Variants in PRH1 observed in about 807,000 individuals in gnomAD.
The protein encoded by PRH1 is salivary acidic proline-rich phosphoprotein 1/2.
Under a neutral mutation model 7.9 loss-of-function variants are expected in PRH1, and 7 were observed. The ratio of observed to expected loss-of-function variants is 0.89; its 90% CI spans 0.50 to 1.67. PRH1 has a LOEUF of 1.67. PRH1 is among the 40% of genes most tolerant of loss of function. PRH1 has a pLI of 0.00. For synonymous variants in PRH1, 45 were observed against 80.8 expected (o/e 0.56, Z 2.38); for missense variants, 109 against 223.6 (o/e 0.49, Z 3.27).
intron 1 of PRH1, among the ~76,000 whole-genome samples, chr12:11,020,352 G>A (rs573798460): frequency 1.5e-4 from 15 of 99,068 alleles, no homozygotes; most frequent in East Asian, 1.1e-3. Flanking sequence ...TAGGGAGGAC[G>A]TATGATAAGC....
chr12:11,108,749 G>A (rs559035034), intron 1 of PRH1, among the ~76,000 whole-genome samples: 1 of 152,130 alleles, frequency 6.6e-6, no homozygotes, highest in South Asian at 2.1e-4. Context: ...GATCATTTGG[G>A]CAGACACCAA....
chr12:10,924,819 T>C (rs1436735521), intron 2 of PRH1, among the ~76,000 whole-genome samples: 1 of 152,218 alleles, frequency 6.6e-6, no homozygotes, highest in Non-Finnish European at 1.5e-5. Context: ...CTGATGGTAG[T>C]TTGTATTTCT....
chr12:11,114,293 G>T (rs964818097), intron 1 of PRH1, among the ~76,000 whole-genome samples: 32 of 151,904 alleles, frequency 2.1e-4, no homozygotes, highest in African/African-American at 7.7e-4. Flanking sequence ...AAGAAAATGT[G>T]GCACATATGT....
chr12:11,126,386 C>T (rs1592063373), intron 1 of PRH1, among the ~76,000 whole-genome samples: 3 of 148,584 alleles, frequency 2.0e-5, no homozygotes, highest in Non-Finnish European at 3.0e-5. Flanking sequence ...TAATATCTCT[C>T]GTATCTATGT....
At chr12:10,995,248 T>A (rs944431785) in intron 1 of PRH1, among the ~76,000 whole-genome samples, 1 of 152,206 alleles carries the variant, frequency 6.6e-6, no homozygotes, top group Admixed American at 6.6e-5. Flanking sequence ...ATGTGCTATC[T>A]TTATGTCTTG....
At chr12:11,046,256 A>G (rs147093221) in intron 1 of PRH1, among the ~76,000 whole-genome samples, 16 of 152,282 alleles carry the variant, frequency 1.1e-4, no homozygotes, top group Non-Finnish European at 2.4e-4. Flanking sequence ...GCCTAAAGTA[A>G]TATGTTTTGT....
chr12:11,113,679 C>T (rs1945653682), intron 1 of PRH1, among the ~76,000 whole-genome samples: 1 of 152,124 alleles, frequency 6.6e-6, no homozygotes, highest in African/African-American at 2.4e-5. Flanking sequence ...ACTGAAACAC[C>T]AAAAGCAATT....
chr12:11,075,216 T>C (rs1471068946), intron 1 of PRH1, among the ~76,000 whole-genome samples: 4 of 131,642 alleles, frequency 3.0e-5, no homozygotes, highest in Non-Finnish European at 6.9e-5. Flanking sequence ...ATATAAATAA[T>C]GTGTAAGAAA....
At chr12:11,152,099 T>C (rs1394890815) in intron 1 of PRH1, among the ~76,000 whole-genome samples, 3 of 151,982 alleles carry the variant, frequency 2.0e-5, no homozygotes, top group African/African-American at 7.2e-5. Context: ...ATTATTATTA[T>C]ACTTTAAGTT....
chr12:11,132,398 A>C (rs796749146), intron 1 of PRH1, among the ~76,000 whole-genome samples: 1 of 144,820 alleles, frequency 6.9e-6, no homozygotes, highest in Non-Finnish European at 1.5e-5. Flanking sequence ...AAGAATTTTA[A>C]AAATGGAAGA....
chr12:10,883,908 A>G (rs1949448740), intron 1 of PRH1, among the ~76,000 whole-genome samples: 2 of 152,154 alleles, frequency 1.3e-5, no homozygotes, highest in African/African-American at 4.8e-5. Flanking sequence ...ATGTCTCTAT[A>G]TAATGCAAAT....
chr12:11,005,821 C>T (rs1001019359), intron 1 of PRH1: 2 of 151,942 alleles, frequency 1.3e-5, no homozygotes, highest in African/African-American at 4.8e-5. Context: ...GTTATTCTCT[C>T]GAATCTAGCT....
rs559132180 is a variant in PRH1, at chr12:11,151,424, G to A, written n.39+19998C>T. Among the ~76,000 whole-genome samples the A allele has an allele frequency of 2.0e-5, 3 of 152,290 alleles. No individual in the cohort carries two copies. In the East Asian group the frequency reaches 5.8e-4, roughly 29 times the overall value. On this transcript the variant is annotated intron_variant and non_coding_transcript_variant, in intron 1 of 1. Coordinates refer to the PRH1 transcript ENST00000541175. ...TCCCTGGAAACTCTGACCAATGAAAGATGAGAGCCAATATATACATTCTTT... is the reference window on the plus strand; with the variant it reads ...TCCCTGGAAACTCTGACCAATGAAAAATGAGAGCCAATATATACATTCTTT...
At chr12:11,050,269 T>G (rs1312653673), upstream of PRH1, among the ~76,000 whole-genome samples, 1 of 152,210 alleles carries the variant, frequency 6.6e-6, no homozygotes, top group Non-Finnish European at 1.5e-5. Context: ...CTATAGATTA[T>G]AGATTAACTG....
At chr12:10,903,931 C>CAAAAAAAAAAAA (rs546066515) in intron 2 of PRH1, among the ~76,000 whole-genome samples, 17 of 31,090 alleles carry the variant, frequency 5.5e-4, no homozygotes, top group South Asian at 2.5e-3. Flanking sequence ...ACAATAGCCT[C>CAAAAAAAAAAAA]AAAAAAAAAA....
At chr12:11,134,350 G>A (rs1435233414) in intron 1 of PRH1, 2 of 1,203,506 alleles carry the variant, frequency 1.7e-6, no homozygotes, top group African/African-American at 3.1e-5. Context: ...ATTTGTGTAT[G>A]TGCTGTGACA....
chr12:11,108,625 C>T (rs2597955), intron 1 of PRH1, among the ~76,000 whole-genome samples: 69,185 of 152,012 alleles, frequency 0.46, 16,550 homozygotes, highest in Non-Finnish European at 0.52. Flanking sequence ...TGAGGGACGA[C>T]GTATTCTGGC....
intron 2 of PRH1, among the ~76,000 whole-genome samples, chr12:10,968,115 C>G (rs200305132): frequency 6.6e-6 from 1 of 151,796 alleles, no homozygotes; most frequent in South Asian, 2.1e-4. Flanking sequence ...AAATAATAAA[C>G]AAAAATAATA....
chr12:11,091,115 C>CATATATATATATATATAT (rs1555163213), intron 1 of PRH1, among the ~76,000 whole-genome samples: 322 of 25,068 alleles, frequency 0.013, 25 homozygotes, highest in African/African-American at 0.024. Context: ...CACACACACA[C>CATATATATATATATATAT]ATATATATAT....
Sources: gnomAD v4.1 joint callset for allele counts (sites outside exome capture counted in the v4.1 genomes callset) on GRCh38, gnomAD v4.1.1 for gene constraint, MANE v1.5 for transcripts, NCBI Gene and HGNC (gene_info 2026-07-23, HGNC 2026-07-21) for gene names.